CNNM1: variants seen among roughly 807,000 people sequenced by gnomAD.
CNNM1 encodes the protein metal transporter CNNM1.
A neutral mutation model predicts 78.8 loss-of-function variants in CNNM1; 44 were observed. The observed-to-expected ratio is 0.56, with a 90% CI of 0.44 to 0.72. CNNM1 has a LOEUF of 0.72. CNNM1 is among the 30% of genes least tolerant of loss of function. CNNM1 has a pLI of 0.00. For missense variants in CNNM1, 1,101 were observed against 1,292.2 expected, an observed-to-expected ratio of 0.85 and a Z score of 2.27; for synonymous variants, 584 against 581.5, an observed-to-expected ratio of 1.00 and a Z score of -0.06.
intron 7 of CNNM1, among the ~76,000 whole-genome samples, chr10:99,379,505 G>A (rs4917860): frequency 0.11 from 16,151 of 152,158 alleles, 975 homozygotes; most frequent in East Asian, 0.28. Flanking sequence ...GAAGGAGCTT[G>A]TAGTTTAAGG....
chr10:99,391,426 G>T lies in CNNM1; in HGVS notation c.2777-11G>T. On this transcript the variant is annotated splice_polypyrimidine_tract_variant and intron_variant, in intron 10 of 10. Coordinates refer to ENST00000356713, the MANE Select transcript of CNNM1 (RefSeq NM_020348.3). ...TGTTACAGGCTGATACTTGCAACTTGTTTTTTTCAGGTGGCCAAAAAAGGA... is the reference window on the plus strand; with the variant it reads ...TGTTACAGGCTGATACTTGCAACTTTTTTTTTTCAGGTGGCCAAAAAAGGA... 6.2e-7 allele frequency: 1 copy of T among 1,611,856 alleles called. No homozygotes were observed. The highest frequency in any genetic ancestry group is 8.5e-7 in the Non-Finnish European group (1 of 1,178,264).
Position 99,330,432 on chromosome 10 carries a change from C to CGGCACGGGCT in CNNM1, c.1049_1058dup (p.Ile354ArgfsTer59). ...AATCTGCCCCTACTCAGTGTGTTCG[C>CGGCACGGGCT]GGCACGGGCTGGCCATCGCCTCGCA... On this transcript the variant is annotated frameshift_variant, in exon 1 of 11. Coordinates refer to ENST00000356713, the MANE Select transcript of CNNM1 (RefSeq NM_020348.3). LOFTEE classifies it high-confidence loss of function. 6.3e-7 allele frequency: 1 copy of CGGCACGGGCT among 1,592,396 alleles called. No homozygotes were observed. Among genetic ancestry groups the CGGCACGGGCT allele is most frequent in the Non-Finnish European group, 8.5e-7 (1 of 1,170,430 alleles).
intron 1 of CNNM1, among the ~76,000 whole-genome samples, chr10:99,355,795 T>TA (rs1252389716): frequency 1.3e-5 from 2 of 152,254 alleles, no homozygotes; most frequent in African/African-American, 4.8e-5. Flanking sequence ...CAGTGGTTTT[T>TA]ATGAGAATTA....
chr10:99,365,601 G>A (rs1040989868), intron 6 of CNNM1, among the ~76,000 whole-genome samples: 4 of 152,212 alleles, frequency 2.6e-5, no homozygotes, highest in Admixed American at 6.5e-5. Context: ...TTTCTGTGCT[G>A]TGCCTTCTTG....
intron 6 of CNNM1, among the ~76,000 whole-genome samples, chr10:99,367,835 G>A (rs2031672108): frequency 6.6e-6 from 1 of 150,540 alleles, no homozygotes; most frequent in Non-Finnish European, 1.5e-5. Context: ...GGTTCCCATA[G>A]TTCCCCTGCC....
Position 99,330,015 on chromosome 10 carries a change from C to A in CNNM1, c.628C>A (p.Arg210=), listed in dbSNP as rs112168939. 0.027 allele frequency: 38,505 copies of A among 1,428,836 alleles called. 584 individuals are homozygous for A. The highest frequency in any genetic ancestry group is 0.031 in the Non-Finnish European group (34,266 of 1,104,566). 88.5% of individuals were successfully genotyped at this position (1,428,836 alleles called of 1,614,324 possible). The change falls in exon 1 of 11, where the codon CGG becomes AGG. Residue 210 remains arginine (R), a synonymous_variant. Transcript: ENST00000356713. ...AGGFLLRVRP[R]LYGPGGDLLP... is the part of the protein sequence containing the mutation. Reference sequence around the variant, plus strand: ...CGGCTTCCTGCTGCGCGTTCGCCCGCGGTTGTACGGCCCAGGCGGGGACCT... The same window carrying A: ...CGGCTTCCTGCTGCGCGTTCGCCCGAGGTTGTACGGCCCAGGCGGGGACCT...
At chr10:99,372,376 C>T (rs371310987) in intron 6 of CNNM1, among the ~76,000 whole-genome samples, 8 of 152,282 alleles carry the variant, frequency 5.3e-5, no homozygotes, top group Admixed American at 2.6e-4. Context: ...CCCCATCACC[C>T]GGTTACACCT....
chr10:99,340,615 G>C (rs1438809046), intron 1 of CNNM1, among the ~76,000 whole-genome samples: 1 of 151,844 alleles, frequency 6.6e-6, no homozygotes, highest in Non-Finnish European at 1.5e-5. Flanking sequence ...GGGGATTCTG[G>C]GACCTTCAAT....
rs776272383 is a variant in CNNM1 at position 99,391,527 on chromosome 10, C to G, written c.*11C>G. On this transcript the variant is annotated 3_prime_UTR_variant, in exon 11 of 11. Transcript: ENST00000356713. Reference sequence around the variant, plus strand: ...CCTCTGATCACATGACAGGGCAAAGCCAGCATTCACTGGGTGTGTGAAATT... The same window carrying G: ...CCTCTGATCACATGACAGGGCAAAGGCAGCATTCACTGGGTGTGTGAAATT... 10 of 1,610,558 alleles carry G rather than the reference C, an allele frequency of 6.2e-6. No individual in the cohort carries two copies. In the South Asian group the frequency reaches 9.9e-5, roughly 16 times the overall value.
chr10:99,370,347 C>T (rs1246808457), intron 6 of CNNM1, among the ~76,000 whole-genome samples: 2 of 151,148 alleles, frequency 1.3e-5, no homozygotes, highest in Non-Finnish European at 3.0e-5. Flanking sequence ...CTTGGTTTAA[C>T]TCTGCAGGGT....
At chr10:99,356,576 G>GAAAGAAAAGA (rs1564947219) in intron 1 of CNNM1, among the ~76,000 whole-genome samples, 1 of 90,544 alleles carries the variant, frequency 1.1e-5, no homozygotes, top group African/African-American at 3.8e-5. Context: ...AAGAAAGAAA[G>GAAAGAAAAGA]AAAGAAAGAA....
intron 7 of CNNM1, among the ~76,000 whole-genome samples, chr10:99,385,241 A>C (rs1269231099): frequency 6.6e-6 from 1 of 152,126 alleles, no homozygotes; most frequent in Non-Finnish European, 1.5e-5. Flanking sequence ...CAGGAAATCC[A>C]TTTCAAAGCC....
In CNNM1 at chr10:99,329,737, G is replaced by A; in HGVS notation, c.350G>A (p.Gly117Asp). ...VFIEEPPGGG[G>D]VAPSAVPTRP... ...ATCGAGGAGCCCCCGGGCGGTGGCG[G>A]CGTGGCCCCCAGCGCGGTCCCCACT... is the stretch of plus-strand genomic sequence containing the variant. Residue 117 changes from glycine to aspartate, a missense_variant, in exon 1 of 11, where the codon GGC (glycine) becomes GAC (aspartate). Gly to Asp is a moderately conservative substitution (Grantham distance 94). Around this residue, in one of 3 missense-constraint regions of CNNM1, gnomAD observed 476 missense variants for 484.5 expected, o/e 0.98. Coordinates refer to ENST00000356713, the MANE Select transcript of CNNM1 (RefSeq NM_020348.3). 1 of 1,510,722 alleles carries A rather than the reference G, an allele frequency of 6.6e-7. No individual in the cohort carries two copies. The highest frequency in any genetic ancestry group is 8.8e-7 in the Non-Finnish European group (1 of 1,139,254). 93.6% of individuals were successfully genotyped at this position (1,510,722 alleles called of 1,614,324 possible).
intron 2 of CNNM1, among the ~76,000 whole-genome samples, chr10:99,358,008 T>G (rs967676805): frequency 2.6e-5 from 4 of 152,210 alleles, no homozygotes; most frequent in African/African-American, 9.7e-5. Context: ...CCTGTGTTCT[T>G]GTTTGGTTGC....
At chr10:99,339,653 C>T (rs557833112) in intron 1 of CNNM1, among the ~76,000 whole-genome samples, 1 of 152,320 alleles carries the variant, frequency 6.6e-6, no homozygotes, top group Admixed American at 6.5e-5. Context: ...CCCCTCCCAC[C>T]CTAGTTCATG....
chr10:99,334,716 C>T lies in CNNM1; in HGVS notation c.1573+3756C>T, dbSNP rs555317183. ...TGGTCTTTAATAGCTCTTCCATTTT[C>T]CTTACTTCCTTGCTTCTCAAGTAAC... On this transcript the variant is annotated intron_variant, in intron 1 of 10. Transcript: ENST00000356713. 3.3e-5 allele frequency among the ~76,000 whole-genome samples: 5 copies of T among 152,246 alleles called. No homozygotes were observed. In the South Asian group the frequency reaches 1.0e-3, roughly 32 times the overall value.
Position 99,356,609 on chromosome 10 carries a change from G to GAAAGAAAGA in CNNM1, c.1574-900_1574-892dup, listed in dbSNP as rs1564947493. On this transcript the variant is annotated intron_variant, in intron 1 of 10. Coordinates refer to ENST00000356713, the MANE Select transcript of CNNM1 (RefSeq NM_020348.3). ...GAAAGAAAGAAAGAAAGAAAGAAAAGAAAGAAAGAAAGAAAAGAAAAGAAA... is the reference window on the plus strand; with the variant it reads ...GAAAGAAAGAAAGAAAGAAAGAAAAGAAAGAAAGAAAAGAAAGAAAGAAAAGAAAAGAAA... 6.8e-5 allele frequency among the ~76,000 whole-genome samples: 9 copies of GAAAGAAAGA among 132,616 alleles called. No homozygotes were observed. The East Asian group carries it at 1.2e-3, about 17-fold the overall frequency. 87.0% of individuals were successfully genotyped at this position (132,616 alleles called of 152,430 possible). A position where few individuals can be genotyped will look rare whatever the true frequency, so the allele number is the denominator to read the frequency against.
intron 1 of CNNM1, among the ~76,000 whole-genome samples, chr10:99,334,317 G>C (rs563768522): frequency 6.6e-6 from 1 of 152,222 alleles, no homozygotes; most frequent in Non-Finnish European, 1.5e-5. Flanking sequence ...CCATAGGTTA[G>C]GAGGTGAAAG....
chr10:99,356,554 CAGACAGACAGAAAGAAAGAA>C (rs2031173306), intron 1 of CNNM1, among the ~76,000 whole-genome samples: 1 of 44,564 alleles, frequency 2.2e-5, no homozygotes, highest in African/African-American at 5.0e-5. Context: ...GACAGACAGA[CAGACAGACAGAAAGAAAGAA>C]AGAAAGAAAG....
Sources: gnomAD v4.1 joint callset for allele counts (sites outside exome capture counted in the v4.1 genomes callset) on GRCh38, gnomAD v4.1.1 for gene constraint, gnomAD v4.1.1 regional missense constraint, MANE v1.5 for transcripts, NCBI Gene and HGNC (gene_info 2026-07-23, HGNC 2026-07-21) for gene names.